Variants in AGBL4 observed in about 807,000 individuals in gnomAD.
AGBL4 encodes the protein cytosolic carboxypeptidase 6.
In AGBL4, 58 loss-of-function variants were observed where a neutral mutation model predicts 66.4. That is an observed-to-expected ratio of 0.87 (90% CI 0.71 to 1.09). The LOEUF (loss-of-function observed/expected upper bound fraction) is 1.09. Among genes scored for constraint, AGBL4 ranks in the 50% least tolerant of loss-of-function variants. The probability of loss-of-function intolerance (pLI) is 0.00; values close to 1 mark genes in which losing one functional copy is unlikely to be tolerated. For missense variants in AGBL4, 579 were observed against 631.0 expected (o/e 0.92, Z 0.88); for synonymous variants, 234 against 222.9 (o/e 1.05, Z -0.44).
At chr1:48,667,989 T>C (rs6663376) in intron 6 of AGBL4, among the ~76,000 whole-genome samples, 79,065 of 151,596 alleles carry the variant, frequency 0.52, 21,560 homozygotes, top group Middle Eastern at 0.65. Flanking sequence ...TGGAATGTTA[T>C]AATGGGGGAA....
intron 2 of AGBL4, among the ~76,000 whole-genome samples, chr1:49,731,692 T>C (rs1018363106): frequency 1.3e-5 from 2 of 152,094 alleles, no homozygotes; most frequent in African/African-American, 4.8e-5. Context: ...TCTAAATATA[T>C]GTACCTTTTC....
At chr1:49,964,385 T>G (rs1244892405) in intron 1 of AGBL4, among the ~76,000 whole-genome samples, 1 of 152,138 alleles carries the variant, frequency 6.6e-6, no homozygotes, top group Non-Finnish European at 1.5e-5. Flanking sequence ...AACAGTATAA[T>G]GTGTGTAAAA....
intron 4 of AGBL4, among the ~76,000 whole-genome samples, chr1:49,169,338 T>A (rs1283503586): frequency 6.6e-6 from 1 of 152,184 alleles, no homozygotes; most frequent in Non-Finnish European, 1.5e-5. Context: ...CTGATCTGTA[T>A]AACAACTGGA....
At chr1:49,566,591 C>T (rs1240613205) in intron 3 of AGBL4, among the ~76,000 whole-genome samples, 1 of 152,192 alleles carries the variant, frequency 6.6e-6, no homozygotes, top group Admixed American at 6.5e-5. Context: ...TGGGTATCAG[C>T]AGCAGTGGCT....
At chr1:49,941,540 T>C (rs1654759525) in intron 1 of AGBL4, among the ~76,000 whole-genome samples, 1 of 152,034 alleles carries the variant, frequency 6.6e-6, no homozygotes, top group Non-Finnish European at 1.5e-5. Flanking sequence ...TATTATCAAG[T>C]TGGCTTTATA....
rs141507848 is a variant in AGBL4 at position 49,202,260 on chromosome 1, C to T, written c.377+43510G>A. Reference sequence around the variant, plus strand: ...TTCATTCATTATTCCAGGAGCATTTCGCTATTTGCAATATATATATTTGCC... The same window carrying T: ...TTCATTCATTATTCCAGGAGCATTTTGCTATTTGCAATATATATATTTGCC... On this transcript the variant is annotated intron_variant, in intron 4 of 13. Transcript: ENST00000371839. 1.7e-3 allele frequency among the ~76,000 whole-genome samples: 259 copies of T among 152,176 alleles called. 1 individual carries two copies. The highest frequency in any genetic ancestry group is 5.9e-3 in the African/African-American group (245 of 41,548).
At chr1:49,110,671 G>T (rs560065874) in intron 4 of AGBL4, among the ~76,000 whole-genome samples, 1 of 151,942 alleles carries the variant, frequency 6.6e-6, no homozygotes, top group African/African-American at 2.4e-5. Context: ...CTGAATTGTC[G>T]GTACTGCTGT....
chr1:48,591,349 T>A (rs568609190), intron 9 of AGBL4, among the ~76,000 whole-genome samples: 4 of 152,172 alleles, frequency 2.6e-5, no homozygotes, highest in Admixed American at 2.6e-4. Context: ...GACTAGACAT[T>A]CGTGGAATTT....
chr1:48,995,056 T>G (rs1014555478), intron 5 of AGBL4, among the ~76,000 whole-genome samples: 14 of 152,238 alleles, frequency 9.2e-5, no homozygotes, highest in Non-Finnish European at 4.4e-5. Flanking sequence ...TATTTAAAGC[T>G]AAATTTCAAA....
intron 4 of AGBL4, among the ~76,000 whole-genome samples, chr1:49,141,577 T>TATATAAGAAAACTGAAGAGGCTAG (rs529159622): frequency 6.6e-6 from 1 of 152,000 alleles, no homozygotes; most frequent in East Asian, 1.9e-4. Context: ...AAGGATAGAA[T>TATATAAGAAAACTGAAGAGGCTAG]ATATAAGAAA....
At chr1:49,702,445 C>T (rs1381729433) in intron 2 of AGBL4, among the ~76,000 whole-genome samples, 4 of 151,994 alleles carry the variant, frequency 2.6e-5, no homozygotes, top group African/African-American at 9.7e-5. Flanking sequence ...GAGCCAAGAT[C>T]GTGCCACTGC....
intron 8 of AGBL4, among the ~76,000 whole-genome samples, chr1:48,652,039 G>A (rs113845058): frequency 2.0e-5 from 3 of 152,202 alleles, no homozygotes; most frequent in African/African-American, 7.2e-5. Context: ...AATAAGAGTT[G>A]TTCGATAACC....
chr1:48,836,383 T>C lies in AGBL4; in HGVS notation c.634+30808A>G, dbSNP rs1267787988. 2.6e-5 allele frequency among the ~76,000 whole-genome samples: 4 copies of C among 151,922 alleles called. No homozygotes were observed. The East Asian group carries it at 5.8e-4, about 22-fold the overall frequency. ...GTCTTCCAGTGCTGACATTCTGTGG[T>C]TCAATAATTTTGTGATCTTAAAGCT... On this transcript the variant is annotated intron_variant, in intron 6 of 13. Coordinates refer to ENST00000371839, the MANE Select transcript of AGBL4 (RefSeq NM_032785.4).
At chr1:49,083,410 C>A (rs1271472847) in intron 4 of AGBL4, among the ~76,000 whole-genome samples, 1 of 152,206 alleles carries the variant, frequency 6.6e-6, no homozygotes, top group African/African-American at 2.4e-5. Context: ...AACCTCAATT[C>A]TTGACTTCTG....
intron 4 of AGBL4, among the ~76,000 whole-genome samples, chr1:49,181,843 C>A (rs1379092577): frequency 1.3e-5 from 2 of 152,122 alleles, no homozygotes; most frequent in African/African-American, 4.8e-5. Context: ...TGCCTGTTCT[C>A]CTTAAAGGGA....
intron 9 of AGBL4, among the ~76,000 whole-genome samples, chr1:48,616,256 T>C (rs1645316053): frequency 6.6e-6 from 1 of 152,176 alleles, no homozygotes; most frequent in Non-Finnish European, 1.5e-5. Flanking sequence ...AAGTGTTTCC[T>C]GTGCATTAAA....
At chr1:49,836,076 G>A (rs1645841313) in intron 2 of AGBL4, among the ~76,000 whole-genome samples, 4 of 152,006 alleles carry the variant, frequency 2.6e-5, no homozygotes, top group Non-Finnish European at 4.4e-5. Context: ...TCTTCTCGAG[G>A]GGTATCTTTG....
chr1:49,949,594 C>T (rs1490762783), intron 1 of AGBL4, among the ~76,000 whole-genome samples: 1 of 151,838 alleles, frequency 6.6e-6, no homozygotes, highest in African/African-American at 2.4e-5. Context: ...GGCCAACAAA[C>T]ATATGGAAAA....
At chr1:49,467,742 T>C (rs763752641) in intron 3 of AGBL4, among the ~76,000 whole-genome samples, 10 of 151,908 alleles carry the variant, frequency 6.6e-5, no homozygotes, top group Non-Finnish European at 1.5e-4. Flanking sequence ...TAAGGTCTTG[T>C]TCAATTCTAA....
Sources: gnomAD v4.1 joint callset for allele counts (sites outside exome capture counted in the v4.1 genomes callset) on GRCh38, gnomAD v4.1.1 for gene constraint, MANE v1.5 for transcripts, NCBI Gene and HGNC (gene_info 2026-07-23, HGNC 2026-07-21) for gene names.